The following TEX9 variants were observed in gnomAD, a reference collection of about 807,000 sequenced individuals.
The protein encoded by TEX9 is testis-expressed protein 9.
In TEX9, 74 loss-of-function variants were observed where a neutral mutation model predicts 59.6. That is an observed-to-expected ratio of 1.24 (90% CI 1.03 to 1.51). The LOEUF is 1.51. Ranked by LOEUF, TEX9 falls within the 40% of genes most tolerant of loss-of-function variation. The probability of loss-of-function intolerance (pLI) is 0.00; values close to 1 mark genes in which losing one functional copy is unlikely to be tolerated. For missense variants in TEX9, 522 were observed against 447.8 expected (o/e 1.17, Z -1.49); for synonymous variants, 186 against 152.2 (o/e 1.22, Z -1.64).
intron 1 of TEX9, among the ~76,000 whole-genome samples, chr15:56,341,500 C>T (rs2046371918): frequency 6.6e-6 from 1 of 152,126 alleles, no homozygotes; most frequent in African/African-American, 2.4e-5. Context: ...TCTGCTTCTA[C>T]CCCATACCTA....
intron 12 of TEX9, among the ~76,000 whole-genome samples, chr15:56,435,409 A>C (rs769786430): frequency 3.3e-5 from 5 of 151,898 alleles, no homozygotes; most frequent in Non-Finnish European, 7.4e-5. Context: ...AGTGAAATGG[A>C]CAGACCTTTA....
At chr15:56,280,962 G>A (rs1297008717) in intron 1 of TEX9, among the ~76,000 whole-genome samples, 2 of 152,154 alleles carry the variant, frequency 1.3e-5, no homozygotes, top group African/African-American at 2.4e-5. Context: ...TAGCTTCAGA[G>A]GGATTTAATG....
chr15:56,265,371 T>G (rs1221857232), intron 1 of TEX9, among the ~76,000 whole-genome samples: 1 of 151,858 alleles, frequency 6.6e-6, no homozygotes. Context: ...CAGGGTCTCC[T>G]CCTCTTGCCC....
chr15:56,408,882 G>A (rs1348279767), intron 9 of TEX9: 3 of 152,232 alleles, frequency 2.0e-5, no homozygotes, highest in Non-Finnish European at 4.4e-5. Flanking sequence ...CAGTACCACA[G>A]TGGCCAGAGT....
At chr15:56,299,459 A>T (rs1307590726) in intron 1 of TEX9, among the ~76,000 whole-genome samples, 1 of 152,208 alleles carries the variant, frequency 6.6e-6, no homozygotes, top group African/African-American at 2.4e-5. Context: ...AGTCTAGGCC[A>T]CAAGGACTAG....
At chr15:56,331,299 G>C (rs1470658561) in intron 1 of TEX9, among the ~76,000 whole-genome samples, 1 of 152,142 alleles carries the variant, frequency 6.6e-6, no homozygotes, top group East Asian at 1.9e-4. Context: ...TGTGGACCAA[G>C]TACACCTAAT....
chr15:56,341,600 G>T (rs1327443259), intron 1 of TEX9, among the ~76,000 whole-genome samples: 3 of 151,990 alleles, frequency 2.0e-5, no homozygotes, highest in African/African-American at 7.2e-5. Flanking sequence ...TACTTCAGGG[G>T]AAACCCTAAA....
intron 1 of TEX9, among the ~76,000 whole-genome samples, chr15:56,271,955 C>A (rs537538697): frequency 6.6e-6 from 1 of 151,952 alleles, no homozygotes; most frequent in African/African-American, 2.4e-5. Flanking sequence ...CCCAGCTACA[C>A]GGTGAAACCC....
intron 1 of TEX9, among the ~76,000 whole-genome samples, chr15:56,328,973 G>A (rs2713910): frequency 0.52 from 79,751 of 152,008 alleles, 21,086 homozygotes; most frequent in Non-Finnish European, 0.55. Context: ...GCCCTTGGGC[G>A]AGATCGAGTG....
At chr15:56,339,481 A>G (rs2046333345) in intron 1 of TEX9, among the ~76,000 whole-genome samples, 1 of 150,498 alleles carries the variant, frequency 6.6e-6, no homozygotes, top group Non-Finnish European at 1.5e-5. Flanking sequence ...ATGTAAGGCC[A>G]ACTGTTTATA....
downstream of TEX9, among the ~76,000 whole-genome samples, chr15:56,449,854 CCTG>C (rs2050936114): frequency 6.6e-6 from 1 of 152,120 alleles, no homozygotes; most frequent in Non-Finnish European, 1.5e-5. Flanking sequence ...TTTGCAATAT[CCTG>C]CTATGGTCCA....
chr15:56,355,511 A>C (rs1302648487), intron 1 of TEX9, among the ~76,000 whole-genome samples: 1 of 152,110 alleles, frequency 6.6e-6, no homozygotes, highest in Non-Finnish European at 1.5e-5. Context: ...AAACCATCTT[A>C]ATTACTGTAG....
intron 10 of TEX9, among the ~76,000 whole-genome samples, chr15:56,416,174 A>G (rs2049675749): frequency 6.6e-6 from 1 of 151,824 alleles, no homozygotes; most frequent in Non-Finnish European, 1.5e-5. Flanking sequence ...GTCTGCAAAC[A>G]GATAGTTTGA....
chr15:56,250,931 G>A (rs1173593166), intron 1 of TEX9, among the ~76,000 whole-genome samples: 8 of 152,306 alleles, frequency 5.3e-5, no homozygotes, highest in Admixed American at 5.2e-4. Flanking sequence ...AGTATGATTT[G>A]AATAGCTGGG....
chr15:56,318,353 T>TACAAAAAG (rs1205537121), intron 1 of TEX9, among the ~76,000 whole-genome samples: 4 of 152,188 alleles, frequency 2.6e-5, no homozygotes, highest in African/African-American at 9.6e-5. Flanking sequence ...TTGCATGCTA[T>TACAAAAAG]ATGTTTTGTC....
chr15:56,404,106 AT>A (rs1295658617), intron 9 of TEX9, among the ~76,000 whole-genome samples: 1 of 152,216 alleles, frequency 6.6e-6, no homozygotes, highest in Non-Finnish European at 1.5e-5. Flanking sequence ...ACCAAAAGCA[AT>A]GGCAACAAAA....
chr15:56,274,033 G>A (rs2044611807), intron 1 of TEX9, among the ~76,000 whole-genome samples: 1 of 152,052 alleles, frequency 6.6e-6, no homozygotes, highest in Non-Finnish European at 1.5e-5. Flanking sequence ...AACTCTCCAA[G>A]TATTTATTTG....
chr15:56,425,697 A>G (rs192968027), intron 10 of TEX9, among the ~76,000 whole-genome samples: 1 of 152,284 alleles, frequency 6.6e-6, no homozygotes, highest in African/African-American at 2.4e-5. Flanking sequence ...CAAATAAGTG[A>G]GAAGCCTTTG....
intron 1 of TEX9, among the ~76,000 whole-genome samples, chr15:56,255,000 G>A (rs2044111383): frequency 6.6e-6 from 1 of 151,944 alleles, no homozygotes; most frequent in Non-Finnish European, 1.5e-5. Context: ...AGATGAAGGT[G>A]AAGCATTCAA....
Sources: allele counts gnomAD v4.1 joint callset (sites outside exome capture counted in the v4.1 genomes callset), GRCh38; gene constraint gnomAD v4.1.1; transcripts MANE v1.5; gene names NCBI Gene and HGNC (gene_info 2026-07-23, HGNC 2026-07-21).